The following FHL2 variants were observed in gnomAD, a reference collection of about 807,000 sequenced individuals.
The protein encoded by FHL2 is four and a half LIM domains 2, also known as four and a half LIM domains protein 2.
Under a neutral mutation model 32.7 loss-of-function variants are expected in FHL2, and 20 were observed. That is an observed-to-expected ratio of 0.61 (90% CI 0.43 to 0.89). The LOEUF is 0.89. FHL2 is among the 40% of genes least tolerant of loss of function. The pLI is 0.00. For missense variants in FHL2, 311 were observed against 358.6 expected (o/e 0.87, Z 1.07); for synonymous variants, 123 against 128.1 (o/e 0.96, Z 0.27).
At chr2:105,414,595 C>G (rs1299197603) in intron 1 of FHL2, among the ~76,000 whole-genome samples, 1 of 152,230 alleles carries the variant, frequency 6.6e-6, no homozygotes, top group African/African-American at 2.4e-5. Context: ...CTCTGTCGCC[C>G]AGGCTGGAGT....
At chr2:105,397,879 TTGTTTTTTG>T (rs1193193670) in intron 1 of FHL2, among the ~76,000 whole-genome samples, 26 of 50,126 alleles carry the variant, frequency 5.2e-4, no homozygotes, top group African/African-American at 1.5e-3. Context: ...TTTTGTTTTT[TTGTTTTTTG>T]TTTTTTTTTG....
intron 3 of FHL2, among the ~76,000 whole-genome samples, chr2:105,379,351 C>G (rs572867934): frequency 2.0e-5 from 3 of 152,174 alleles, no homozygotes; most frequent in Non-Finnish European, 4.4e-5. Flanking sequence ...CTTGCTGAAC[C>G]TACATTTCCT....
rs777846521 is a variant in FHL2 at position 105,386,375 on chromosome 2, C to G, written c.142G>C (p.Gly48Arg). The change falls in exon 3 of 7, where the codon GGC becomes CGC. Residue 48 changes from glycine (G) to arginine (R), a missense_variant. Gly to Arg is a moderately radical substitution (Grantham distance 125, BLOSUM62 -2). Coordinates refer to ENST00000530340, the MANE Select transcript of FHL2 (RefSeq NM_001318895.3). ...NTCEECGKPI[G>R]CDCKDLSYKD... is the part of the protein sequence containing the mutation. ...GCAGCAGGTACCTTGCAGTCACAGC[C>G]GATGGGCTTCCCACACTCCTCGCAG... The G allele has an allele frequency of 5.0e-6, 8 of 1,613,892 alleles. No individual in the cohort carries two copies. The highest frequency in any genetic ancestry group is 1.3e-5 in the African/African-American group (1 of 74,924).
chr2:105,428,176 G>A (rs1407514152), intron 1 of FHL2, among the ~76,000 whole-genome samples: 2 of 152,178 alleles, frequency 1.3e-5, no homozygotes, highest in Admixed American at 6.5e-5. Context: ...GAGGAACAAA[G>A]GTCCTTTTAG....
upstream of FHL2, among the ~76,000 whole-genome samples, chr2:105,401,643 G>A (rs551298849): frequency 1.7e-4 from 26 of 152,216 alleles, no homozygotes; most frequent in African/African-American, 5.3e-4. Context: ...TTATGTGTTC[G>A]TCAACAAGGG....
intron 1 of FHL2, among the ~76,000 whole-genome samples, chr2:105,412,586 C>A (rs1302543275): frequency 6.6e-6 from 1 of 152,160 alleles, no homozygotes; most frequent in Non-Finnish European, 1.5e-5. Context: ...AGCAAAAGAG[C>A]AAATAAATAA....
intron 1 of FHL2, among the ~76,000 whole-genome samples, chr2:105,418,850 C>T (rs1273471677): frequency 6.6e-6 from 1 of 152,060 alleles, no homozygotes; most frequent in Non-Finnish European, 1.5e-5. Context: ...TATAATTGTT[C>T]TATTTTATTA....
intron 1 of FHL2, among the ~76,000 whole-genome samples, chr2:105,412,638 G>A (rs1216223415): frequency 2.0e-5 from 3 of 152,214 alleles, no homozygotes; most frequent in Non-Finnish European, 4.4e-5. Flanking sequence ...GCACGTGGAT[G>A]GTTAGGAGTG....
chr2:105,414,683 G>A lies in FHL2; in HGVS notation c.-25+23716C>T, dbSNP rs572761323. Among the ~76,000 whole-genome samples, 8 of 152,272 alleles carry A rather than the reference G, an allele frequency of 5.3e-5. No individual in the cohort carries two copies. The South Asian group carries it at 1.5e-3, about 28-fold the overall frequency. ...TTCTCCTGCCTCCGCCTCTAGAGTA[G>A]CTGGGGTTACAGGCACACGCTACCA... On this transcript the variant is annotated intron_variant, in intron 1 of 5. Coordinates refer to the FHL2 transcript ENST00000393352.
At chr2:105,385,519 A>C (rs1413141904) in intron 3 of FHL2, among the ~76,000 whole-genome samples, 1 of 152,232 alleles carries the variant, frequency 6.6e-6, no homozygotes, top group East Asian at 1.9e-4. Flanking sequence ...CTTGGTGCCC[A>C]TTCAGTTGGG....
chr2:105,394,523 T>A (rs1202539772), intron 2 of FHL2, among the ~76,000 whole-genome samples: 8 of 148,810 alleles, frequency 5.4e-5, no homozygotes, highest in Non-Finnish European at 7.4e-5. Flanking sequence ...TAGTGAGCTA[T>A]GATGGCACCT....
chr2:105,379,410 C>T (rs1445844041), intron 3 of FHL2, among the ~76,000 whole-genome samples: 2 of 152,216 alleles, frequency 1.3e-5, no homozygotes, highest in African/African-American at 2.4e-5. Context: ...TAAAGCTCCA[C>T]GTTGGTAACT....
At chr2:105,358,056 C>G (rs1297496586), downstream of FHL2, 2 of 152,210 alleles carry the variant, frequency 1.3e-5, no homozygotes, top group African/African-American at 4.8e-5. Context: ...GAGGGCTCTT[C>G]TTGGCTATCT....
intron 1 of FHL2, among the ~76,000 whole-genome samples, chr2:105,428,439 C>T (rs1386512428): frequency 3.9e-5 from 6 of 152,228 alleles, no homozygotes; most frequent in African/African-American, 1.4e-4. Flanking sequence ...TTGCTCCCTC[C>T]CTGGTGGATC....
chr2:105,433,074 A>G (rs974700098), intron 1 of FHL2, among the ~76,000 whole-genome samples: 7 of 152,238 alleles, frequency 4.6e-5, no homozygotes, highest in Non-Finnish European at 7.3e-5. Flanking sequence ...GGGTTTAACT[A>G]GGATGGATGA....
chr2:105,383,228 T>C (rs75561813), intron 3 of FHL2, among the ~76,000 whole-genome samples: 5,238 of 152,314 alleles, frequency 0.034, 271 homozygotes, highest in African/African-American at 0.12. Context: ...GCCCAGAACG[T>C]AGGCAGATCC....
chr2:105,393,214 C>T (rs890287779), intron 2 of FHL2, among the ~76,000 whole-genome samples: 3 of 152,108 alleles, frequency 2.0e-5, no homozygotes, highest in African/African-American at 7.2e-5. Context: ...GGCCCATTTT[C>T]TCCTCCCCCT....
At chr2:105,422,057 G>A (rs1048821760) in intron 1 of FHL2, among the ~76,000 whole-genome samples, 1 of 152,208 alleles carries the variant, frequency 6.6e-6, no homozygotes, top group African/African-American at 2.4e-5. Flanking sequence ...AATCACGGTG[G>A]AGGGCAGTCC....
At position 105,363,454 on chromosome 2, in the gene FHL2, C is replaced by A; in HGVS notation, c.519G>T (p.Gly173=). 6.2e-7 allele frequency: 1 copy of A among 1,609,750 alleles called. No homozygotes were observed. The highest frequency in any genetic ancestry group is 8.5e-7 in the Non-Finnish European group (1 of 1,178,082). The change falls in exon 6 of 7, where the codon GGG becomes GGT. Residue 173 remains glycine (G), a synonymous_variant. Transcript: ENST00000530340. ...VQCKKPITTG[G]VTYREQPWHK... ...GCCAGGGCTGCTCCCGGTAAGTGAC[C>A]CCTCCCGTGGTGATGGGCTGCAGGG...
Sources: gnomAD v4.1 joint callset for allele counts (sites outside exome capture counted in the v4.1 genomes callset) on GRCh38, gnomAD v4.1.1 for gene constraint, MANE v1.5 for transcripts, NCBI Gene and HGNC (gene_info 2026-07-23, HGNC 2026-07-21) for gene names.